GLI3: variants seen among roughly 807,000 people sequenced by gnomAD.
The protein encoded by GLI3 is GLI family zinc finger 3.
GLI3 carries 20 observed loss-of-function variants against 100.8 expected under a neutral mutation model. The observed-to-expected ratio is 0.20, with a 90% confidence interval of 0.14 to 0.29. The LOEUF is 0.29. GLI3 is among the 10% of genes least tolerant of loss of function. The probability of loss-of-function intolerance (pLI) is 1.00; values close to 1 mark genes in which losing one functional copy is unlikely to be tolerated. For missense variants in GLI3, 2,040 were observed against 2,128.5 expected (o/e 0.96, Z 0.82); for synonymous variants, 938 against 860.5 (o/e 1.09, Z -1.58).
At chr7:42,205,205 A>G (rs1788124834) in intron 2 of GLI3, among the ~76,000 whole-genome samples, 1 of 152,166 alleles carries the variant, frequency 6.6e-6, no homozygotes, top group African/African-American at 2.4e-5. Context: ...GCATCCTAGC[A>G]ACATACCATG....
At chr7:42,204,774 A>G (rs3823734) in intron 2 of GLI3, among the ~76,000 whole-genome samples, 6,823 of 152,252 alleles carry the variant, frequency 0.045, 197 homozygotes, top group Non-Finnish European at 0.066. Context: ...AAAAGTTCTT[A>G]TGAGACAGAA....
chr7:42,114,356 C>T (rs569157111), intron 3 of GLI3, among the ~76,000 whole-genome samples: 2 of 151,956 alleles, frequency 1.3e-5, no homozygotes, highest in African/African-American at 4.8e-5. Flanking sequence ...ATACTGTTAA[C>T]GACTGTCTAC....
intron 1 of GLI3, among the ~76,000 whole-genome samples, chr7:42,254,280 A>G (rs1310559533): frequency 6.6e-6 from 1 of 151,174 alleles, no homozygotes; most frequent in Non-Finnish European, 1.5e-5. Flanking sequence ...TAGGGTGAAA[A>G]CCAAGATGAC....
At chr7:42,235,528 A>G (rs182896470) in intron 1 of GLI3, among the ~76,000 whole-genome samples, 59 of 152,348 alleles carry the variant, frequency 3.9e-4, no homozygotes, top group African/African-American at 1.4e-3. Flanking sequence ...GATCTAAAAA[A>G]ACGGCCTCAT....
intron 6 of GLI3, among the ~76,000 whole-genome samples, chr7:42,043,743 TA>T (rs1784189268): frequency 6.6e-6 from 1 of 152,024 alleles, no homozygotes; most frequent in African/African-American, 2.4e-5. Flanking sequence ...TTTATTTAGA[TA>T]AAAACCGCCA....
At chr7:42,235,706 G>A (rs1361378066) in intron 1 of GLI3, among the ~76,000 whole-genome samples, 1 of 152,208 alleles carries the variant, frequency 6.6e-6, no homozygotes, top group Non-Finnish European at 1.5e-5. Context: ...CCCGGCTAAT[G>A]GCACTGCCAT....
intron 10 of GLI3, among the ~76,000 whole-genome samples, chr7:41,989,290 T>C (rs528273684): frequency 6.6e-6 from 1 of 152,292 alleles, no homozygotes; most frequent in Non-Finnish European, 1.5e-5. Context: ...AAAACCATTC[T>C]CCAAAGAGGC....
At chr7:42,087,062 C>T (rs1398673918) in intron 3 of GLI3, among the ~76,000 whole-genome samples, 5 of 152,124 alleles carry the variant, frequency 3.3e-5, no homozygotes. Context: ...GCCCACTTAT[C>T]CGTGTATACC....
At chr7:42,019,429 G>A (rs1788871858) in intron 10 of GLI3, among the ~76,000 whole-genome samples, 2 of 152,164 alleles carry the variant, frequency 1.3e-5, no homozygotes, top group Admixed American at 1.3e-4. Flanking sequence ...ATTAAAACAT[G>A]AGGGAAATGG....
intron 4 of GLI3, among the ~76,000 whole-genome samples, chr7:42,074,121 C>G (rs530725878): frequency 6.6e-6 from 1 of 152,338 alleles, no homozygotes; most frequent in Admixed American, 6.5e-5. Flanking sequence ...CCCCCACTGC[C>G]TGGAATGCCA....
chr7:42,238,031 C>G (rs1411548325), upstream of GLI3, among the ~76,000 whole-genome samples: 1 of 147,412 alleles, frequency 6.8e-6, no homozygotes. Flanking sequence ...TCCTTCTCCT[C>G]CTCCTCCTCC....
chr7:42,054,177 A>G (rs562275408), intron 4 of GLI3, among the ~76,000 whole-genome samples: 1 of 152,354 alleles, frequency 6.6e-6, no homozygotes, highest in Admixed American at 6.5e-5. Context: ...ATTACAATGA[A>G]AGAGTAGAAG....
rs931573616 is a variant in GLI3 at position 41,964,885 on chromosome 7, A to G, written c.4188T>C (p.Ala1396=). The part of the protein sequence containing the change: ...CASFGGSRRQ[A]MPRDSLALQS... ...GCAGAGCAAGGCTGTCCCTCGGCAT[A>G]GCCTGGCGCCTGCTGCCCCCAAAGC... Residue 1396 remains alanine, a synonymous_variant, in exon 15 of 15, where the codon GCT becomes GCC. Coordinates refer to ENST00000395925, the MANE Select transcript of GLI3 (RefSeq NM_000168.6). 1.9e-6 allele frequency: 3 copies of G among 1,613,732 alleles called. No homozygotes were observed. Among genetic ancestry groups the G allele is most frequent in the Non-Finnish European group, 2.5e-6 (3 of 1,180,038 alleles).
intron 3 of GLI3, among the ~76,000 whole-genome samples, chr7:42,108,941 C>CT (rs1554328494): frequency 1.3e-5 from 2 of 152,236 alleles, no homozygotes; most frequent in African/African-American, 4.8e-5. Context: ...CCTCCCACCC[C>CT]TGTCTCTGAG....
chr7:42,100,534 C>G (rs2330409), intron 3 of GLI3, among the ~76,000 whole-genome samples: 151,266 of 151,626 alleles, frequency 1, 75,454 homozygotes, highest in East Asian at 1. Flanking sequence ...TCAGGAGTTT[C>G]AGACTAACCT....
At chr7:42,181,068 C>A (rs1049241220) in intron 2 of GLI3, among the ~76,000 whole-genome samples, 1 of 152,216 alleles carries the variant, frequency 6.6e-6, no homozygotes, top group African/African-American at 2.4e-5. Flanking sequence ...GGCAACCACA[C>A]ACAATCATAA....
At chr7:41,975,875 C>A (rs1017931957) in intron 12 of GLI3, among the ~76,000 whole-genome samples, 6 of 152,200 alleles carry the variant, frequency 3.9e-5, no homozygotes. Context: ...GTCAAAATTA[C>A]ACTTAAATCT....
intron 10 of GLI3, among the ~76,000 whole-genome samples, chr7:42,012,889 C>A (rs978529487): frequency 6.6e-5 from 10 of 152,182 alleles, no homozygotes; most frequent in Non-Finnish European, 1.3e-4. Flanking sequence ...CCAGGAAAGG[C>A]CACCAGGAAG....
intron 10 of GLI3, among the ~76,000 whole-genome samples, chr7:42,015,512 C>T (rs548304145): frequency 3.3e-5 from 5 of 152,076 alleles, no homozygotes; most frequent in East Asian, 1.9e-4. Context: ...TTTCTGTTCC[C>T]GGAGCTCTGT....
Sources: allele counts gnomAD v4.1 joint callset (sites outside exome capture counted in the v4.1 genomes callset), GRCh38; gene constraint gnomAD v4.1.1; transcripts MANE v1.5; gene names NCBI Gene and HGNC (gene_info 2026-07-23, HGNC 2026-07-21).